The following RHOU variants were observed in gnomAD, a reference collection of about 807,000 sequenced individuals.
RHOU encodes ras homolog family member U.
RHOU carries 8 observed loss-of-function variants against 12.6 expected under a neutral mutation model. The ratio of observed to expected loss-of-function variants is 0.64; its 90% CI spans 0.37 to 1.15. RHOU has a LOEUF of 1.15. Ranked by LOEUF, RHOU falls within the 50% of genes most tolerant of loss-of-function variation. RHOU has a pLI of 0.01. For missense variants in RHOU, 258 were observed against 347.0 expected, an observed-to-expected ratio of 0.74 and a Z score of 2.04; for synonymous variants, 161 against 147.4, an observed-to-expected ratio of 1.09 and a Z score of -0.67.
chr1:228,657,813 A>T, the RHOU span, among the ~76,000 whole-genome samples: 7 of 152,228 alleles, frequency 4.6e-5, no homozygotes, highest in African/African-American at 1.7e-4. Context: ...AAAGATAGAT[A>T]GCATATCAAA....
the RHOU span, among the ~76,000 whole-genome samples, chr1:228,730,313 G>A: frequency 2.5e-3 from 388 of 152,344 alleles, 2 homozygotes; most frequent in African/African-American, 8.9e-3. Flanking sequence ...GGCCCTTGGA[G>A]GCTGTGGAAG....
At chr1:228,692,319 A>C in the RHOU span, among the ~76,000 whole-genome samples, 255 of 152,324 alleles carry the variant, frequency 1.7e-3, 2 homozygotes, top group Non-Finnish European at 2.5e-3. Flanking sequence ...TTACAGATTA[A>C]ACATTTTAAA....
In RHOU at chr1:228,743,484, A is replaced by C; in HGVS notation, c.521A>C (p.Glu174Ala). ...AGAGAAGATGTCAAAGTCCTCATTG[A>C]GTTGGACAAATGCAAAGAAAAGCCA... ...DLREDVKVLI[E>A]LDKCKEKPVP... The change falls in exon 3 of 3, where the codon GAG (glutamate) becomes GCG (alanine). Residue 174 changes from glutamate (E) to alanine (A), a missense_variant. Coordinates refer to ENST00000366691, the MANE Select transcript of RHOU (RefSeq NM_021205.6). The surrounding 1 kb of genome is among the most constrained non-coding windows in gnomAD (Gnocchi z 5.1). 1.9e-6 allele frequency: 3 copies of C among 1,614,200 alleles called. No homozygotes were observed. Among genetic ancestry groups the C allele is most frequent in the Non-Finnish European group, 2.5e-6 (3 of 1,180,044 alleles).
chr1:228,710,084 T>A, the RHOU span, among the ~76,000 whole-genome samples: 5 of 152,084 alleles, frequency 3.3e-5, no homozygotes, highest in Non-Finnish European at 7.4e-5. Flanking sequence ...TTCCTTGACA[T>A]ATACACTCTC....
chr1:228,666,493 C>A, the RHOU span, among the ~76,000 whole-genome samples: 2 of 152,178 alleles, frequency 1.3e-5, no homozygotes, highest in Non-Finnish European at 2.9e-5. Flanking sequence ...TAACTATAGT[C>A]ATCCTACAGT....
Position 228,745,184 on chromosome 1 carries a change from C to G in RHOU, c.*1444C>G, listed in dbSNP as rs1472847479. The G allele has an allele frequency of 1.3e-5, 2 of 152,156 alleles. No individual in the cohort carries two copies. Among genetic ancestry groups the G allele is most frequent in the Non-Finnish European group, 2.9e-5 (2 of 68,036 alleles). The allele number at this position is 152,156 out of a possible 1,614,324, so 9.4% of individuals were successfully genotyped here. ...TGAAATACATCCTTCAAGGTGGCAG[C>G]TGTTAGGGCTGAATCTTCTGGAGAA... is the stretch of plus-strand genomic sequence containing the variant. On this transcript the variant is annotated 3_prime_UTR_variant, in exon 3 of 3. Transcript: ENST00000366691.
the RHOU span, among the ~76,000 whole-genome samples, chr1:228,705,106 G>GT: frequency 0.019 from 2,781 of 143,354 alleles, 16 homozygotes; most frequent in Middle Eastern, 0.032. Flanking sequence ...CTGGCCAAGA[G>GT]TTTTTTTTTT....
the RHOU span, among the ~76,000 whole-genome samples, chr1:228,697,771 C>T: frequency 1.3e-5 from 2 of 152,138 alleles, no homozygotes; most frequent in Non-Finnish European, 2.9e-5. Flanking sequence ...ATCCCAGGGA[C>T]AGTAAAACCA....
At chr1:228,712,817 A>T in the RHOU span, among the ~76,000 whole-genome samples, 1 of 131,776 alleles carries the variant, frequency 7.6e-6, no homozygotes, top group African/African-American at 3.1e-5. Flanking sequence ...TAATAATAAT[A>T]AATAAATAAA....
upstream of RHOU, among the ~76,000 whole-genome samples, chr1:228,734,663 C>T (rs1662555681): frequency 6.6e-6 from 1 of 152,200 alleles, no homozygotes; most frequent in Admixed American, 6.5e-5. Flanking sequence ...TCACACCACG[C>T]TGTACACCCC....
the RHOU span, among the ~76,000 whole-genome samples, chr1:228,669,193 T>TC: frequency 6.6e-6 from 1 of 152,164 alleles, no homozygotes; most frequent in Non-Finnish European, 1.5e-5. Context: ...AAGAACCCAG[T>TC]CCCCCAACCC....
chr1:228,727,836 T>A, the RHOU span, among the ~76,000 whole-genome samples: 1 of 152,150 alleles, frequency 6.6e-6, no homozygotes, highest in Non-Finnish European at 1.5e-5. Context: ...TCAGGGTGAC[T>A]GAAAAATTAG....
the RHOU span, among the ~76,000 whole-genome samples, chr1:228,653,957 C>T: frequency 6.6e-6 from 1 of 152,148 alleles, no homozygotes; most frequent in Non-Finnish European, 1.5e-5. Flanking sequence ...ACACCTGTTG[C>T]TAGAATATAG....
At chr1:228,726,779 G>A in the RHOU span, among the ~76,000 whole-genome samples, 1 of 152,148 alleles carries the variant, frequency 6.6e-6, no homozygotes, top group African/African-American at 2.4e-5. Flanking sequence ...AATAGCACAG[G>A]TTTAGATTTT....
chr1:228,721,328 G>A, the RHOU span, among the ~76,000 whole-genome samples: 7 of 152,054 alleles, frequency 4.6e-5, no homozygotes, highest in African/African-American at 1.2e-4. Context: ...AGAATTCGTC[G>A]CCTTGTCTTT....
At chr1:228,675,653 C>T in the RHOU span, among the ~76,000 whole-genome samples, 3 of 152,148 alleles carry the variant, frequency 2.0e-5, no homozygotes, top group Non-Finnish European at 4.4e-5. Flanking sequence ...TTTTAAAAGG[C>T]TATTATAACA....
chr1:228,684,062 G>T, the RHOU span, among the ~76,000 whole-genome samples: 137 of 152,310 alleles, frequency 9.0e-4, no homozygotes, highest in Middle Eastern at 0.01. Flanking sequence ...TTTTGAGACG[G>T]AGTCTTGCTC....
the RHOU span, among the ~76,000 whole-genome samples, chr1:228,721,770 C>G: frequency 1.9e-4 from 29 of 152,210 alleles, no homozygotes; most frequent in Non-Finnish European, 3.4e-4. Flanking sequence ...AAGAGATTCT[C>G]CTCCCTCAGC....
chr1:228,723,369 T>C, the RHOU span, among the ~76,000 whole-genome samples: 1 of 152,218 alleles, frequency 6.6e-6, no homozygotes, highest in Non-Finnish European at 1.5e-5. Flanking sequence ...AAGCAGTGTC[T>C]GATTTGCATA....
Sources: allele counts gnomAD v4.1 joint callset (sites outside exome capture counted in the v4.1 genomes callset), GRCh38; gene constraint gnomAD v4.1.1; non-coding constraint Gnocchi (gnomAD v3.1); transcripts MANE v1.5; gene names NCBI Gene and HGNC (gene_info 2026-07-23, HGNC 2026-07-21).